The following SAMD13 variants were observed in gnomAD, a reference collection of about 807,000 sequenced individuals.
SAMD13 encodes the protein sterile alpha motif domain-containing protein 13.
In SAMD13, 9 loss-of-function variants were observed where a neutral mutation model predicts 12.4. That is an observed-to-expected ratio of 0.72 (90% CI 0.44 to 1.26). The LOEUF (loss-of-function observed/expected upper bound fraction) is 1.26, where lower values mean the gene tolerates loss of function less well. SAMD13 is among the 50% of genes most tolerant of loss of function. The pLI is 0.00. For synonymous variants in SAMD13, 46 were observed against 45.4 expected, an observed-to-expected ratio of 1.01 and a Z score of -0.05; for missense variants, 84 against 119.6, an observed-to-expected ratio of 0.70 and a Z score of 1.39.
intron 3 of SAMD13, among the ~76,000 whole-genome samples, chr1:84,328,933 C>A (rs143116140): frequency 6.6e-6 from 1 of 152,210 alleles, no homozygotes; most frequent in East Asian, 1.9e-4. Flanking sequence ...TTGAAAAGGG[C>A]AAGTCCAGAA....
At chr1:84,313,798 G>A (rs1045406010) in intron 2 of SAMD13, among the ~76,000 whole-genome samples, 1 of 152,042 alleles carries the variant, frequency 6.6e-6, no homozygotes, top group African/African-American at 2.4e-5. Flanking sequence ...TGTGTTCAGT[G>A]TGTTGTTTCA....
chr1:84,298,550 G>C, upstream of SAMD13: 6 of 1,270,404 alleles, frequency 4.7e-6, no homozygotes, highest in Non-Finnish European at 6.0e-6. Flanking sequence ...AAACCTCCCG[G>C]CGCGGCCATG....
chr1:84,316,103 T>C (rs1436874922), intron 2 of SAMD13, among the ~76,000 whole-genome samples: 1 of 152,176 alleles, frequency 6.6e-6, no homozygotes, highest in African/African-American at 2.4e-5. Flanking sequence ...GCATTCCTTA[T>C]ATATTTTAGA....
intron 1 of SAMD13, among the ~76,000 whole-genome samples, chr1:84,302,317 C>G (rs747895271): frequency 6.8e-6 from 1 of 146,650 alleles, no homozygotes; most frequent in Non-Finnish European, 1.5e-5. Flanking sequence ...AGAGCAAACA[C>G]GTTTCGGGAC....
chr1:84,339,053 A>C (rs1679366163), intron 3 of SAMD13, among the ~76,000 whole-genome samples: 1 of 152,170 alleles, frequency 6.6e-6, no homozygotes, highest in African/African-American at 2.4e-5. Context: ...GCTCCCATAT[A>C]TACCTTAGAT....
chr1:84,306,448 A>G (rs1256309857), intron 2 of SAMD13, among the ~76,000 whole-genome samples: 2 of 151,954 alleles, frequency 1.3e-5, no homozygotes, highest in African/African-American at 2.4e-5. Flanking sequence ...CCCAGTCTGA[A>G]TGCCTTGTAT....
intron 2 of SAMD13, among the ~76,000 whole-genome samples, chr1:84,314,199 C>T (rs926971427): frequency 5.9e-5 from 9 of 152,126 alleles, no homozygotes; most frequent in Admixed American, 5.9e-4. Flanking sequence ...TTACTTAGCT[C>T]ATTAAAAAAA....
upstream of SAMD13, chr1:84,299,672 TA>T: frequency 2.1e-6 from 2 of 948,446 alleles, no homozygotes; most frequent in African/African-American, 1.8e-5. Context: ...TATATATATA[TA>T]TATTTATTTA....
At chr1:84,313,834 T>A (rs947064315) in intron 2 of SAMD13, among the ~76,000 whole-genome samples, 15 of 152,152 alleles carry the variant, frequency 9.9e-5, no homozygotes, top group Admixed American at 3.9e-4. Context: ...ATAAAAAAAA[T>A]TTTGGAACTA....
At chr1:84,306,940 A>G (rs1417672995) in intron 2 of SAMD13, among the ~76,000 whole-genome samples, 1 of 151,868 alleles carries the variant, frequency 6.6e-6, no homozygotes, top group African/African-American at 2.4e-5. Context: ...TCTTCTGTAT[A>G]TATGTGTCTT....
intron 2 of SAMD13, among the ~76,000 whole-genome samples, chr1:84,323,617 TAAATC>T (rs1678995419): frequency 6.6e-6 from 1 of 152,254 alleles, no homozygotes; most frequent in South Asian, 2.1e-4. Context: ...TTGGTTTTCT[TAAATC>T]AAATATTTTA....
chr1:84,348,986 A>G (rs999781921), intron 3 of SAMD13, among the ~76,000 whole-genome samples: 3 of 152,174 alleles, frequency 2.0e-5, no homozygotes, highest in African/African-American at 4.8e-5. Context: ...CTAATGCCCA[A>G]TGTTGCAATT....
At chr1:84,342,458 A>T (rs542843258) in intron 3 of SAMD13, among the ~76,000 whole-genome samples, 1 of 152,318 alleles carries the variant, frequency 6.6e-6, no homozygotes, top group South Asian at 2.1e-4. Context: ...TTAAAACTAT[A>T]CTGTAAGGCC....
At chr1:84,311,191 C>T (rs1378071448) in intron 2 of SAMD13, among the ~76,000 whole-genome samples, 1 of 151,844 alleles carries the variant, frequency 6.6e-6, no homozygotes, top group African/African-American at 2.4e-5. Flanking sequence ...CAAAAATTAT[C>T]CAGGCATGGT....
intron 3 of SAMD13, chr1:84,344,877 A>G (rs762931995): frequency 9.2e-5 from 42 of 456,564 alleles, no homozygotes; most frequent in Non-Finnish European, 1.7e-4. Flanking sequence ...TGAGTATGAC[A>G]AGTCCAGAAG....
At chr1:84,314,279 C>T (rs1570234811) in intron 2 of SAMD13, among the ~76,000 whole-genome samples, 1 of 152,068 alleles carries the variant, frequency 6.6e-6, no homozygotes, top group Admixed American at 6.6e-5. Context: ...GAAGCAGTCA[C>T]ATCTAGAAAT....
intron 2 of SAMD13, among the ~76,000 whole-genome samples, chr1:84,324,853 A>T (rs2101804263): frequency 6.6e-6 from 1 of 152,198 alleles, no homozygotes; most frequent in Non-Finnish European, 1.5e-5. Context: ...CCATAGACCC[A>T]CTCAGACAAA....
intron 2 of SAMD13, among the ~76,000 whole-genome samples, chr1:84,310,866 T>C (rs75989427): frequency 0.031 from 4,760 of 152,222 alleles, 96 homozygotes; most frequent in Non-Finnish European, 0.048. Context: ...TGTTAGAAAA[T>C]GTATGAAATT....
At chr1:84,302,853 T>G (rs886515123) in intron 1 of SAMD13, among the ~76,000 whole-genome samples, 2 of 152,080 alleles carry the variant, frequency 1.3e-5, no homozygotes, top group African/African-American at 4.8e-5. Flanking sequence ...ATTGTTTTTC[T>G]CTACTTTGAC....
Sources: allele counts gnomAD v4.1 joint callset (sites outside exome capture counted in the v4.1 genomes callset), GRCh38; gene constraint gnomAD v4.1.1; transcripts MANE v1.5; gene names NCBI Gene and HGNC (gene_info 2026-07-23, HGNC 2026-07-21).